The following AKAP6 variants were observed in gnomAD, a reference collection of about 807,000 sequenced individuals.
The protein encoded by AKAP6 is A-kinase anchor protein 6.
In AKAP6, 58 loss-of-function variants were observed where a neutral mutation model predicts 188.5. That is an observed-to-expected ratio of 0.31 (90% CI 0.25 to 0.38). The LOEUF (loss-of-function observed/expected upper bound fraction) is 0.38, where lower values mean the gene tolerates loss of function less well. AKAP6 is among the 10% of genes least tolerant of loss of function. The pLI is 1.00. For synonymous variants in AKAP6, 989 were observed against 998.6 expected (o/e 0.99, Z 0.18); for missense variants, 2,710 against 2,740.0 (o/e 0.99, Z 0.24).
At chr14:32,385,125 CCATCTTGCCT>C (rs1006876895) in intron 1 of AKAP6, 2 of 145,390 alleles carry the variant, frequency 1.4e-5, no homozygotes, top group Non-Finnish European at 3.0e-5. Context: ...ATAAGAAACT[CCATCTTGCCT>C]CATGACACTC....
At chr14:32,688,127 TATAA>T (rs1890013153) in intron 8 of AKAP6, among the ~76,000 whole-genome samples, 1 of 150,508 alleles carries the variant, frequency 6.6e-6, no homozygotes, top group Non-Finnish European at 1.5e-5. Flanking sequence ...ATAGTATATA[TATAA>T]AATATAGTGT....
At chr14:32,630,036 C>G (rs1294423045) in intron 7 of AKAP6, among the ~76,000 whole-genome samples, 1 of 152,078 alleles carries the variant, frequency 6.6e-6, no homozygotes, top group East Asian at 1.9e-4. Context: ...TTTAAATGAC[C>G]ATTTCTGTGT....
chr14:32,503,335 G>T (rs1288210021), intron 2 of AKAP6, among the ~76,000 whole-genome samples: 2 of 151,920 alleles, frequency 1.3e-5, no homozygotes, highest in African/African-American at 4.8e-5. Context: ...AAGCTGTGTG[G>T]TATAAGCTGC....
chr14:32,588,942 A>T (rs1299135211), intron 5 of AKAP6, among the ~76,000 whole-genome samples: 4 of 152,174 alleles, frequency 2.6e-5, no homozygotes, highest in African/African-American at 9.7e-5. Context: ...AATTTCCCCA[A>T]ATACTTTCAG....
Position 32,822,358 on chromosome 14 carries a change from T to A in AKAP6, c.4545T>A (p.Thr1515=). ...AATCATGCAAATCTAAACATCAGAC[T>A]ACAGAGTTACAACCAGATGTACCTC... ...DKKSCKSKHQ[T]TELQPDVPPH... is the part of the protein sequence containing the mutation. Residue 1515 remains threonine, a synonymous_variant, in exon 13 of 14, where the codon ACT becomes ACA. Coordinates refer to ENST00000280979, the MANE Select transcript of AKAP6 (RefSeq NM_004274.5). 6.2e-7 allele frequency: 1 copy of A among 1,613,972 alleles called. No homozygotes were observed.
At chr14:32,596,357 A>G (rs1200987842) in intron 5 of AKAP6, among the ~76,000 whole-genome samples, 4 of 152,204 alleles carry the variant, frequency 2.6e-5, no homozygotes, top group Non-Finnish European at 5.9e-5. Flanking sequence ...ATCAGTGGGA[A>G]TTCTCAAAGT....
chr14:32,396,371 G>A (rs1465690123), intron 1 of AKAP6, among the ~76,000 whole-genome samples: 1 of 152,150 alleles, frequency 6.6e-6, no homozygotes, highest in African/African-American at 2.4e-5. Context: ...CTTTGGGGTT[G>A]TCTACCTATC....
At chr14:32,569,559 A>G (rs898363752) in intron 4 of AKAP6, among the ~76,000 whole-genome samples, 2 of 152,140 alleles carry the variant, frequency 1.3e-5, no homozygotes, top group African/African-American at 4.8e-5. Flanking sequence ...GTATATAGTT[A>G]GTTGGTTGGG....
At chr14:32,521,241 G>A (rs1881813577) in intron 2 of AKAP6, among the ~76,000 whole-genome samples, 1 of 152,068 alleles carries the variant, frequency 6.6e-6, no homozygotes, top group Non-Finnish European at 1.5e-5. Flanking sequence ...TACTGAATGG[G>A]CAAAAACTGG....
At chr14:32,386,090 A>G (rs766754496) in intron 1 of AKAP6, among the ~76,000 whole-genome samples, 5 of 151,768 alleles carry the variant, frequency 3.3e-5, no homozygotes, top group Admixed American at 6.6e-5. Flanking sequence ...TCATTTTCAT[A>G]TAAAGACTTC....
chr14:32,539,791 A>G (rs1448186549), intron 3 of AKAP6, among the ~76,000 whole-genome samples: 2 of 152,082 alleles, frequency 1.3e-5, no homozygotes, highest in Non-Finnish European at 2.9e-5. Flanking sequence ...TCTTCTCATC[A>G]ACTGCTGTTC....
intron 11 of AKAP6, among the ~76,000 whole-genome samples, chr14:32,764,483 C>G (rs2032641541): frequency 6.6e-6 from 1 of 152,192 alleles, no homozygotes; most frequent in African/African-American, 2.4e-5. Context: ...AAATCAGGGA[C>G]AAGATTGTCT....
rs549719011 is a variant in AKAP6, at chr14:32,801,712, T to C, written c.3589-19690T>C. Among the ~76,000 whole-genome samples the C allele has an allele frequency of 2.6e-5, 4 of 152,290 alleles. No homozygotes were observed. The South Asian group carries it at 8.3e-4, about 32-fold the overall frequency. On this transcript the variant is annotated intron_variant, in intron 12 of 13. Transcript: ENST00000280979. ...TCTGTTGGCAATGAAACCACCCAGGTTTTGTTTGTCCTGAGAAAGTTTTTA... is the reference window on the plus strand; with the variant it reads ...TCTGTTGGCAATGAAACCACCCAGGCTTTGTTTGTCCTGAGAAAGTTTTTA...
In AKAP6 at chr14:32,830,389, ATT is replaced by A. The variant is rs550955280; in HGVS notation, c.*586_*587del. 14 of 156,504 alleles carry A rather than the reference ATT, an allele frequency of 8.9e-5. 1 individual carries two copies. In the South Asian group the frequency reaches 1.0e-3, roughly 11 times the overall value. The allele number at this position is 156,504 out of a possible 1,614,324, so 9.7% of individuals were successfully genotyped here. ...AACTATTAAAAGCGCCATTTTATTTATTTCATTTAAAAAATAATCTATGCAGC... is the reference window on the plus strand; with the variant it reads ...AACTATTAAAAGCGCCATTTTATTTATCATTTAAAAAATAATCTATGCAGC... On this transcript the variant is annotated 3_prime_UTR_variant, in exon 14 of 14. Transcript: ENST00000280979.
Position 32,419,879 on chromosome 14 carries a change from T to TACAAAA in AKAP6, c.-34-13556_-34-13551dup, listed in dbSNP as rs138682278. Reference sequence around the variant, plus strand: ...CCCCACCCAGTCTTATGACATTCTCTACAAAAACAAAAACAAAAACAAAAA... The same window carrying TACAAAA: ...CCCCACCCAGTCTTATGACATTCTCTACAAAAACAAAAACAAAAACAAAAACAAAAA... On this transcript the variant is annotated intron_variant, in intron 1 of 13. Coordinates refer to ENST00000280979, the MANE Select transcript of AKAP6 (RefSeq NM_004274.5). Among the ~76,000 whole-genome samples the TACAAAA allele has an allele frequency of 9.2e-4, 139 of 151,558 alleles. 1 individual carries two copies. Among genetic ancestry groups the TACAAAA allele is most frequent in the African/African-American group, 2.8e-3 (116 of 41,216 alleles).
chr14:32,740,074 G>T (rs905292327), intron 11 of AKAP6, among the ~76,000 whole-genome samples: 2 of 152,056 alleles, frequency 1.3e-5, no homozygotes, highest in African/African-American at 2.4e-5. Flanking sequence ...ATTTTAACTG[G>T]AGTGAGATGG....
intron 2 of AKAP6, among the ~76,000 whole-genome samples, chr14:32,443,218 A>C (rs1890640448): frequency 6.6e-6 from 1 of 151,938 alleles, no homozygotes; most frequent in African/African-American, 2.4e-5. Context: ...AGATGGTGAA[A>C]TCCTGTTTCT....
chr14:32,611,773 A>G (rs758225608), intron 7 of AKAP6, among the ~76,000 whole-genome samples: 3 of 152,152 alleles, frequency 2.0e-5, no homozygotes, highest in Admixed American at 6.5e-5. Context: ...TGAACTTAGC[A>G]TGTTTATAGA....
chr14:32,674,457 A>C (rs1165729348), intron 7 of AKAP6, among the ~76,000 whole-genome samples: 1 of 152,170 alleles, frequency 6.6e-6, no homozygotes, highest in Non-Finnish European at 1.5e-5. Context: ...AGCAGTGCAG[A>C]TTGGAGAAGG....
Sources: allele counts gnomAD v4.1 joint callset (sites outside exome capture counted in the v4.1 genomes callset), GRCh38; gene constraint gnomAD v4.1.1; transcripts MANE v1.5; gene names NCBI Gene and HGNC (gene_info 2026-07-23, HGNC 2026-07-21).